Variants in ENTHD1 observed in about 807,000 individuals in gnomAD.
ENTHD1 encodes the protein ENTH domain-containing protein 1.
Under a neutral mutation model 39.1 loss-of-function variants are expected in ENTHD1, and 23 were observed. The observed-to-expected ratio is 0.59, with a 90% CI of 0.42 to 0.83. The LOEUF (loss-of-function observed/expected upper bound fraction) is 0.83. Ranked by LOEUF, ENTHD1 falls within the 40% of genes least tolerant of loss-of-function variation. The pLI is 0.00. For missense variants in ENTHD1, 624 were observed against 705.4 expected, an observed-to-expected ratio of 0.88 and a Z score of 1.31; for synonymous variants, 230 against 258.2, an observed-to-expected ratio of 0.89 and a Z score of 1.05.
chr22:39,780,392 C>G (rs1484614276), intron 5 of ENTHD1, among the ~76,000 whole-genome samples: 1 of 143,402 alleles, frequency 7.0e-6, no homozygotes, highest in Non-Finnish European at 1.6e-5. Context: ...AAAAAAAATA[C>G]TGTGGACTCA....
intron 4 of ENTHD1, among the ~76,000 whole-genome samples, chr22:39,835,220 A>G (rs2065899796): frequency 6.6e-6 from 1 of 152,116 alleles, no homozygotes; most frequent in Non-Finnish European, 1.5e-5. Context: ...TGCTGCAACC[A>G]TACAACATGC....
rs112100141 is a variant in ENTHD1, at chr22:39,764,976, T to A, written c.1219+247A>T. ...TTGGTCTGCACCAAAATTGCTCAGA[T>A]CTTATATTCAACCAAGGACTCAGAA... On this transcript the variant is annotated intron_variant, in intron 6 of 6. Coordinates refer to ENST00000325157, the MANE Select transcript of ENTHD1 (RefSeq NM_152512.4). Among the ~76,000 whole-genome samples the A allele has an allele frequency of 2.8e-4, 43 of 152,274 alleles. 1 individual carries two copies. The highest frequency in any genetic ancestry group is 9.6e-4 in the African/African-American group (40 of 41,556).
At chr22:39,884,174 T>C (rs2066362522) in intron 2 of ENTHD1, among the ~76,000 whole-genome samples, 1 of 152,076 alleles carries the variant, frequency 6.6e-6, no homozygotes, top group Non-Finnish European at 1.5e-5. Context: ...AGCCAAATTC[T>C]AGCCATCTTC....
intron 5 of ENTHD1, among the ~76,000 whole-genome samples, chr22:39,807,953 C>A (rs1476116018): frequency 6.6e-6 from 1 of 151,348 alleles, no homozygotes; most frequent in Non-Finnish European, 1.5e-5. Flanking sequence ...GCATTTCTGA[C>A]TGTGGGTCAC....
chr22:39,892,938 G>C (rs1331234531), intron 1 of ENTHD1, among the ~76,000 whole-genome samples: 3 of 152,186 alleles, frequency 2.0e-5, no homozygotes, highest in Admixed American at 6.5e-5. Flanking sequence ...CCAGCCCTAA[G>C]TGTGTGTTCA....
chr22:39,852,766 T>G (rs553930062), intron 3 of ENTHD1, among the ~76,000 whole-genome samples: 3 of 152,318 alleles, frequency 2.0e-5, no homozygotes, highest in Admixed American at 6.5e-5. Context: ...AATATAATCT[T>G]ATGGGACCAG....
At chr22:39,810,992 C>T (rs924111392) in intron 5 of ENTHD1, among the ~76,000 whole-genome samples, 1 of 152,184 alleles carries the variant, frequency 6.6e-6, no homozygotes, top group Non-Finnish European at 1.5e-5. Flanking sequence ...CACTGGCTAT[C>T]ACATTGATGA....
At chr22:39,878,926 T>C (rs1227695580) in intron 2 of ENTHD1, among the ~76,000 whole-genome samples, 1 of 152,086 alleles carries the variant, frequency 6.6e-6, no homozygotes, top group Non-Finnish European at 1.5e-5. Context: ...TTTATTATTA[T>C]AAGGTACTAG....
chr22:39,784,543 T>TACAC (rs3044403), intron 5 of ENTHD1, among the ~76,000 whole-genome samples: 3,369 of 142,314 alleles, frequency 0.024, 79 homozygotes, highest in African/African-American at 0.058. Context: ...TCTCTCTGTA[T>TACAC]ACACACACAC....
chr22:39,889,512 C>A (rs962805744), intron 1 of ENTHD1, among the ~76,000 whole-genome samples: 2 of 152,152 alleles, frequency 1.3e-5, no homozygotes, highest in African/African-American at 4.8e-5. Flanking sequence ...CCAGACCCAA[C>A]GAAACCTAGA....
intron 5 of ENTHD1, among the ~76,000 whole-genome samples, chr22:39,806,588 T>C (rs1217448319): frequency 6.6e-6 from 1 of 152,228 alleles, no homozygotes; most frequent in Non-Finnish European, 1.5e-5. Context: ...TACTATGTAC[T>C]AAGCTCTGGA....
At chr22:39,827,105 T>G (rs1191401977) in intron 4 of ENTHD1, among the ~76,000 whole-genome samples, 1 of 151,034 alleles carries the variant, frequency 6.6e-6, no homozygotes, top group African/African-American at 2.4e-5. Context: ...AAGCTCTGGC[T>G]CCCAGGTTCA....
At chr22:39,882,108 G>C (rs1373428190) in intron 2 of ENTHD1, among the ~76,000 whole-genome samples, 2 of 151,802 alleles carry the variant, frequency 1.3e-5, no homozygotes, top group Non-Finnish European at 2.9e-5. Flanking sequence ...TTTCTTTCTT[G>C]TTTTTTTCTA....
At chr22:39,845,871 C>A (rs758243161) in intron 3 of ENTHD1, among the ~76,000 whole-genome samples, 2 of 151,464 alleles carry the variant, frequency 1.3e-5, no homozygotes, top group Non-Finnish European at 2.9e-5. Context: ...TCCCATTTTG[C>A]GGCTTTTTTT....
At chr22:39,752,459 A>G (rs2065154882) in intron 6 of ENTHD1, among the ~76,000 whole-genome samples, 1 of 152,234 alleles carries the variant, frequency 6.6e-6, no homozygotes, top group Non-Finnish European at 1.5e-5. Flanking sequence ...CAGTGATGAA[A>G]GTGTTTCTGA....
In ENTHD1 at chr22:39,744,032, G is replaced by T; in HGVS notation, c.1471C>A (p.Leu491Met). The change falls in exon 7 of 7, where the codon CTG (leucine) becomes ATG (methionine). Residue 491 changes from leucine (L) to methionine (M), a missense_variant. Leu to Met is a conservative substitution (Grantham distance 15). Coordinates refer to ENST00000325157, the MANE Select transcript of ENTHD1 (RefSeq NM_152512.4). ...TCAGAGTTATTTGGAAGAATTCCCAGTAGATTGAGGCTATCATTTTCCTCT... is the reference window on the plus strand; with the variant it reads ...TCAGAGTTATTTGGAAGAATTCCCATTAGATTGAGGCTATCATTTTCCTCT... Reference protein sequence around the residue: ...DVEENDSLNLLGILPNNSDSA... With the variant: ...DVEENDSLNLMGILPNNSDSA... The T allele has an allele frequency of 6.2e-7, 1 of 1,614,180 alleles. No homozygotes were observed. The highest frequency in any genetic ancestry group is 8.5e-7 in the Non-Finnish European group (1 of 1,179,996).
At chr22:39,809,232 A>G (rs1020674931) in intron 5 of ENTHD1, among the ~76,000 whole-genome samples, 3 of 152,230 alleles carry the variant, frequency 2.0e-5, no homozygotes, top group African/African-American at 7.2e-5. Context: ...AACACAGGCC[A>G]AAGTCAGTGC....
At chr22:39,754,258 T>C (rs2065168182) in intron 6 of ENTHD1, among the ~76,000 whole-genome samples, 1 of 152,226 alleles carries the variant, frequency 6.6e-6, no homozygotes. Flanking sequence ...AGGCTGTAGT[T>C]TGCCACCCAC....
intron 6 of ENTHD1, among the ~76,000 whole-genome samples, chr22:39,746,298 A>C (rs1250280709): frequency 2.6e-5 from 4 of 152,032 alleles, no homozygotes; most frequent in Admixed American, 2.0e-4. Context: ...TTATATTTTT[A>C]AATTTCCAAG....
Sources: gnomAD v4.1 joint callset for allele counts (sites outside exome capture counted in the v4.1 genomes callset) on GRCh38, gnomAD v4.1.1 for gene constraint, MANE v1.5 for transcripts, NCBI Gene and HGNC (gene_info 2026-07-23, HGNC 2026-07-21) for gene names.